FIG4: variants seen among roughly 807,000 people sequenced by gnomAD.
FIG4 encodes the protein FIG4 phosphoinositide 5-phosphatase.
A neutral mutation model predicts 118.6 loss-of-function variants in FIG4; 112 were observed. That is an observed-to-expected ratio of 0.94 (90% CI 0.81 to 1.11). The LOEUF (loss-of-function observed/expected upper bound fraction) is 1.11, where lower values mean the gene tolerates loss of function less well. Among genes scored for constraint, FIG4 ranks in the 50% least tolerant of loss-of-function variants. The probability of loss-of-function intolerance (pLI) is 0.00; values close to 1 mark genes in which losing one functional copy is unlikely to be tolerated. For synonymous variants in FIG4, 369 were observed against 381.2 expected (o/e 0.97, Z 0.37); for missense variants, 969 against 1,111.7 (o/e 0.87, Z 1.83).
intron 22 of FIG4, among the ~76,000 whole-genome samples, chr6:109,809,558 G>T (rs1472411677): frequency 6.6e-6 from 1 of 152,108 alleles, no homozygotes; most frequent in Admixed American, 6.5e-5. Context: ...GAACTTGTTC[G>T]CATAGGGTAG....
At chr6:109,824,713 A>G (rs1394802460) in intron 22 of FIG4, among the ~76,000 whole-genome samples, 4 of 152,164 alleles carry the variant, frequency 2.6e-5, no homozygotes, top group South Asian at 4.1e-4. Flanking sequence ...TCCCTTAAAA[A>G]CCAGTGAGTC....
chr6:109,756,578 C>T (rs1257219651), intron 10 of FIG4, among the ~76,000 whole-genome samples: 1 of 152,196 alleles, frequency 6.6e-6, no homozygotes, highest in Non-Finnish European at 1.5e-5. Context: ...GTACACCAAT[C>T]AGAGCAGATT....
chr6:109,714,089 G>A (rs538921003), intron 1 of FIG4, among the ~76,000 whole-genome samples: 1 of 152,174 alleles, frequency 6.6e-6, no homozygotes, highest in African/African-American at 2.4e-5. Context: ...ATAAGCCAGC[G>A]TGTTGCCCCT....
intron 6 of FIG4, among the ~76,000 whole-genome samples, chr6:109,737,108 G>A (rs11753828): frequency 0.29 from 43,623 of 152,008 alleles, 6,737 homozygotes; most frequent in Non-Finnish European, 0.35. Flanking sequence ...ATTTCTTCTT[G>A]CCATGTAATG....
chr6:109,757,530 G>A (rs1354378506), intron 10 of FIG4, among the ~76,000 whole-genome samples: 1 of 152,198 alleles, frequency 6.6e-6, no homozygotes, highest in African/African-American at 2.4e-5. Flanking sequence ...AAAGCTGGAA[G>A]CATTCCCTTT....
chr6:109,720,438 A>T (rs1775572264), intron 3 of FIG4, among the ~76,000 whole-genome samples: 1 of 152,216 alleles, frequency 6.6e-6, no homozygotes, highest in African/African-American at 2.4e-5. Flanking sequence ...TTTTTGGTGG[A>T]ATGTTTTGGA....
At chr6:109,819,183 G>A (rs973717845) in intron 22 of FIG4, among the ~76,000 whole-genome samples, 1 of 152,160 alleles carries the variant, frequency 6.6e-6, no homozygotes, top group African/African-American at 2.4e-5. Context: ...ATATACAGTG[G>A]TGGCAAAGGA....
chr6:109,709,792 A>G (rs1775202063), intron 1 of FIG4, among the ~76,000 whole-genome samples: 1 of 152,048 alleles, frequency 6.6e-6, no homozygotes, highest in African/African-American at 2.4e-5. Context: ...AATGCTAGTG[A>G]TTTTTGCACA....
At chr6:109,739,863 AAGGGCAC>A (rs757010171) in intron 7 of FIG4, among the ~76,000 whole-genome samples, 1 of 152,158 alleles carries the variant, frequency 6.6e-6, no homozygotes, top group Non-Finnish European at 1.5e-5. Context: ...GAGTGGTGCC[AAGGGCAC>A]AGCTGGCGAG....
At chr6:109,775,937 G>C (rs1777604554) in intron 15 of FIG4, among the ~76,000 whole-genome samples, 1 of 152,124 alleles carries the variant, frequency 6.6e-6, no homozygotes, top group South Asian at 2.1e-4. Context: ...GAAGAAAATT[G>C]ATTTTATAAT....
At chr6:109,808,545 T>C (rs1373042146) in intron 22 of FIG4, among the ~76,000 whole-genome samples, 1 of 152,186 alleles carries the variant, frequency 6.6e-6, no homozygotes, top group African/African-American at 2.4e-5. Context: ...AGTACTATGG[T>C]TGTCTTGAGG....
At chr6:109,747,106 T>G (rs181270123) in intron 10 of FIG4, among the ~76,000 whole-genome samples, 1 of 152,226 alleles carries the variant, frequency 6.6e-6, no homozygotes, top group South Asian at 2.1e-4. Flanking sequence ...ACACTTGTTC[T>G]TAGCCAAAAG....
chr6:109,776,146 G>A (rs1210162378), intron 15 of FIG4, among the ~76,000 whole-genome samples: 2 of 152,156 alleles, frequency 1.3e-5, no homozygotes, highest in African/African-American at 4.8e-5. Context: ...AGAATGGGAT[G>A]GGTGGTTCAT....
intron 22 of FIG4, among the ~76,000 whole-genome samples, chr6:109,797,387 C>T (rs896904322): frequency 1.3e-5 from 2 of 152,136 alleles, no homozygotes; most frequent in African/African-American, 4.8e-5. Context: ...ATAATAACAC[C>T]TACTTTGTAG....
chr6:109,802,671 C>T (rs1778455937), intron 22 of FIG4, among the ~76,000 whole-genome samples: 1 of 152,174 alleles, frequency 6.6e-6, no homozygotes, highest in Admixed American at 6.5e-5. Context: ...GGCATCTAGG[C>T]ACTTATTGTT....
intron 1 of FIG4, among the ~76,000 whole-genome samples, chr6:109,704,526 C>T (rs897875337): frequency 3.3e-5 from 5 of 151,766 alleles, no homozygotes; most frequent in South Asian, 2.1e-4. Context: ...AAATTAGCCA[C>T]GTGTCATGGT....
At chr6:109,726,276 A>G (rs1420108670) in intron 3 of FIG4, among the ~76,000 whole-genome samples, 1 of 152,136 alleles carries the variant, frequency 6.6e-6, no homozygotes, top group East Asian at 1.9e-4. Flanking sequence ...TAATTTTTGT[A>G]TAAGGTGTAA....
At chr6:109,727,300 A>C in intron 4 of FIG4, 35 bp downstream of exon 4, 1 of 1,278,082 alleles carries the variant, frequency 7.8e-7, no homozygotes, top group Non-Finnish European at 1.1e-6. Flanking sequence ...TTTTTTTTGG[A>C]GACAAGGTCT....
chr6:109,774,517 T>C (rs900829156), intron 15 of FIG4, among the ~76,000 whole-genome samples: 1 of 152,068 alleles, frequency 6.6e-6, no homozygotes, highest in African/African-American at 2.4e-5. Context: ...GCTTAAAATA[T>C]CTATCTATAT....
Sources: allele counts gnomAD v4.1 joint callset (sites outside exome capture counted in the v4.1 genomes callset), GRCh38; gene constraint gnomAD v4.1.1; transcripts MANE v1.5; gene names NCBI Gene and HGNC (gene_info 2026-07-23, HGNC 2026-07-21).